Variants in CHD1 observed in about 807,000 individuals in gnomAD.
The protein encoded by CHD1 is chromodomain helicase DNA binding protein 1.
CHD1 carries 36 observed loss-of-function variants against 224.2 expected under a neutral mutation model. The ratio of observed to expected loss-of-function variants is 0.16; its 90% CI spans 0.12 to 0.21. The LOEUF is 0.21. CHD1 is among the 10% of genes least tolerant of loss of function. The pLI is 1.00. For missense variants in CHD1, 1,378 were observed against 1,994.8 expected (o/e 0.69, Z 5.89); for synonymous variants, 668 against 658.3 (o/e 1.01, Z -0.23).
chr5:98,903,507 T>A (rs950220867), intron 4 of CHD1, among the ~76,000 whole-genome samples: 15 of 151,718 alleles, frequency 9.9e-5, no homozygotes, highest in African/African-American at 3.2e-4. Flanking sequence ...TAGGTGCATA[T>A]CACATTTAAT....
rs759647586 is a variant in CHD1 at position 98,872,173 on chromosome 5, C to G, written c.3739G>C (p.Ala1247Pro). The G allele has an allele frequency of 1.9e-6, 3 of 1,613,644 alleles. No individual in the cohort carries two copies. In the South Asian group the frequency reaches 3.3e-5, roughly 18 times the overall value. ...QYTIPCHTKA[A>P]HFDIDWGKED... ...TTGCCCCAGTCTATATCAAAATGAGCTGCCTTTGTGTGGCATGGGATAGTA... is the reference window on the plus strand; with the variant it reads ...TTGCCCCAGTCTATATCAAAATGAGGTGCCTTTGTGTGGCATGGGATAGTA... Residue 1247 changes from alanine to proline, a missense_variant, in exon 28 of 36, where the codon GCT becomes CCT. By Grantham distance (27) the Ala-to-Pro change is conservative. Transcript: ENST00000614616.
At chr5:98,923,533 G>A (rs1335102883) in intron 2 of CHD1, among the ~76,000 whole-genome samples, 5 of 150,918 alleles carry the variant, frequency 3.3e-5, no homozygotes, top group Non-Finnish European at 5.9e-5. Context: ...CAATTCTCCT[G>A]CCTCAGCCTC....
At chr5:98,887,135 A>C (rs918885942) in intron 17 of CHD1, among the ~76,000 whole-genome samples, 4 of 152,118 alleles carry the variant, frequency 2.6e-5, no homozygotes, top group African/African-American at 7.2e-5. Flanking sequence ...TAAATGAGTA[A>C]ACTGTATGAT....
intron 2 of CHD1, among the ~76,000 whole-genome samples, chr5:98,924,712 AT>A (rs541524675): frequency 3.2e-4 from 49 of 152,346 alleles, no homozygotes; most frequent in African/African-American, 1.1e-3. Context: ...GTGGTGGCTC[AT>A]GCCTATAATC....
At chr5:98,886,202 G>A (rs1201942269) in intron 17 of CHD1, 1 of 152,220 alleles carries the variant, frequency 6.6e-6, no homozygotes, top group Non-Finnish European at 1.5e-5. Flanking sequence ...TAATTCTGAT[G>A]CACACTAAAG....
In CHD1 at chr5:98,902,108, G is replaced by A. The variant is rs1012005315; in HGVS notation, c.438-773C>T. 5.3e-5 allele frequency among the ~76,000 whole-genome samples: 8 copies of A among 151,514 alleles called. No homozygotes were observed. In the South Asian group the frequency reaches 8.3e-4, roughly 16 times the overall value. ...GAGATCTTTTCAGGGCTTGCACACC[G>A]AAAAAAAGTTTCCGTTGTGTATTTT... On this transcript the variant is annotated intron_variant, in intron 5 of 35. Transcript: ENST00000614616.
chr5:98,881,175 T>G lies in CHD1; in HGVS notation c.2965-4A>C, dbSNP rs535282116. On this transcript the variant is annotated splice_polypyrimidine_tract_variant and splice_region_variant and intron_variant, in intron 21 of 35. Transcript: ENST00000614616. The stretch of plus-strand genomic sequence containing the variant: ...AGATTTCATCTATATCCATTTCCTA[T>G]AATTAAAAAGACAATATTTAAATAT... 1.3e-6 allele frequency: 2 copies of G among 1,572,516 alleles called. No homozygotes were observed. The highest frequency in any genetic ancestry group is 4.5e-5 in the East Asian group (2 of 44,056).
intron 1 of CHD1, among the ~76,000 whole-genome samples, chr5:98,927,268 G>A (rs1395780404): frequency 1.3e-5 from 2 of 152,216 alleles, no homozygotes; most frequent in East Asian, 3.9e-4. Flanking sequence ...CACCTTTAAA[G>A]ATTTCAGTAC....
chr5:98,913,585 T>C (rs955832376), intron 2 of CHD1, among the ~76,000 whole-genome samples: 12 of 152,238 alleles, frequency 7.9e-5, no homozygotes, highest in Non-Finnish European at 1.6e-4. Flanking sequence ...AGTTCAACCA[T>C]AAATTATTTT....
chr5:98,897,792 T>G (rs1467827690), intron 10 of CHD1, among the ~76,000 whole-genome samples: 1 of 152,218 alleles, frequency 6.6e-6, no homozygotes, highest in African/African-American at 2.4e-5. Context: ...GTTACAAGGA[T>G]GCAGAAAGTA....
intron 31 of CHD1, among the ~76,000 whole-genome samples, chr5:98,866,693 T>A (rs920148197): frequency 2.0e-5 from 3 of 152,122 alleles, no homozygotes; most frequent in Non-Finnish European, 4.4e-5. Context: ...AATATAGGAA[T>A]ATATATTTAT....
chr5:98,884,721 C>CTT (rs375839054), intron 18 of CHD1, among the ~76,000 whole-genome samples: 7 of 142,222 alleles, frequency 4.9e-5, no homozygotes, highest in Admixed American at 7.0e-5. Context: ...TTTTCTTTCC[C>CTT]TTTTTTTTTT....
Position 98,889,238 on chromosome 5 carries a change from T to C in CHD1, c.2181A>G (p.Lys727=). 3.2e-6 allele frequency: 5 copies of C among 1,557,560 alleles called. No individual in the cohort carries two copies. The highest frequency in any genetic ancestry group is 1.2e-5 in the South Asian group (1 of 81,256). The stretch of plus-strand genomic sequence containing the variant: ...CTTTGTAATTCCTAGTTAAAATCCA[T>C]CTTAAAAAAAAAAATTATGAAAACG... ...EMSALQKQYY[K]WILTRNYKAL... Residue 727 remains lysine, a splice_region_variant and synonymous_variant, in exon 16 of 36, where the codon AAA becomes AAG. Transcript: ENST00000614616.
Position 98,881,261 on chromosome 5 carries a change from T to A in CHD1, c.2964+18A>T. The A allele has an allele frequency of 7.3e-7, 1 of 1,369,028 alleles. No homozygotes were observed. The highest frequency in any genetic ancestry group is 1.5e-5 in the South Asian group (1 of 67,444). 84.8% of individuals were successfully genotyped at this position (1,369,028 alleles called of 1,614,324 possible). A position where few individuals can be genotyped will look rare whatever the true frequency, so the allele number is the denominator to read the frequency against. On this transcript the variant is annotated intron_variant, in intron 21 of 35. Coordinates refer to ENST00000614616, the MANE Select transcript of CHD1 (RefSeq NM_001270.4). Reference sequence around the variant, plus strand: ...ATATTCTGAGGCAGGCCTTTTTTTTTTTTTTTTTTTTTTTTACCTGGGGCT... The same window carrying A: ...ATATTCTGAGGCAGGCCTTTTTTTTATTTTTTTTTTTTTTTACCTGGGGCT...
chr5:98,860,978 T>C (rs1337876371), intron 32 of CHD1, among the ~76,000 whole-genome samples: 1 of 152,198 alleles, frequency 6.6e-6, no homozygotes, highest in Non-Finnish European at 1.5e-5. Flanking sequence ...AAGTACCTTT[T>C]TGTTCCTAAG....
At chr5:98,898,479 C>T (rs1305598561) in intron 9 of CHD1, 45 bp from the exon 10 acceptor site, 3 of 1,405,478 alleles carry the variant, frequency 2.1e-6, no homozygotes, top group South Asian at 1.6e-5. Flanking sequence ...TTTTTTTTTA[C>T]ATTTAATCAT....
In CHD1 at chr5:98,869,618, G is replaced by GCACACA. The variant is rs1401470155; in HGVS notation, c.4107+135_4107+136insTGTGTG. On this transcript the variant is annotated intron_variant, in intron 30 of 35. Transcript: ENST00000614616. ...GAACTATAAGTGCGTGCGCACGTGC[G>GCACACA]CGCGCACACACACACACACACACAC... 5.1e-3 allele frequency: 4,040 copies of GCACACA among 795,834 alleles called. 115 individuals are homozygous for GCACACA. In the African/African-American group the frequency reaches 0.12, roughly 23 times the overall value. The allele number at this position is 795,834 out of a possible 1,614,324, so 49.3% of individuals were successfully genotyped here. A position where few individuals can be genotyped will look rare whatever the true frequency, so the allele number is the denominator to read the frequency against.
rs1406869655 is a variant in CHD1, at chr5:98,897,327, T to G, written c.1366-7A>C. On this transcript the variant is annotated splice_region_variant and splice_polypyrimidine_tract_variant and intron_variant, in intron 10 of 35. Transcript: ENST00000614616. ...TTGGCCTTTGTTTTAATACCTTTAG[T>G]AGAAATAAACATTATTATGTAGAGT... 1 of 1,572,112 alleles carries G rather than the reference T, an allele frequency of 6.4e-7. No homozygotes were observed. Among genetic ancestry groups the G allele is most frequent in the East Asian group, 2.2e-5 (1 of 44,504 alleles).
chr5:98,919,804 A>AT (rs1162270836), intron 2 of CHD1, among the ~76,000 whole-genome samples: 4 of 152,344 alleles, frequency 2.6e-5, no homozygotes, highest in African/African-American at 9.6e-5. Context: ...ATATATCTAC[A>AT]TATATTACCT....
Sources: allele counts gnomAD v4.1 joint callset (sites outside exome capture counted in the v4.1 genomes callset), GRCh38; gene constraint gnomAD v4.1.1; transcripts MANE v1.5; gene names NCBI Gene and HGNC (gene_info 2026-07-23, HGNC 2026-07-21).